CD200: variants seen among roughly 807,000 people sequenced by gnomAD.
CD200 encodes the protein OX-2 membrane glycoprotein.
Under a neutral mutation model 30.9 loss-of-function variants are expected in CD200, and 15 were observed. That is an observed-to-expected ratio of 0.49 (90% CI 0.32 to 0.75). The LOEUF (loss-of-function observed/expected upper bound fraction) is 0.75. Ranked by LOEUF, CD200 falls within the 30% of genes least tolerant of loss-of-function variation. The pLI, the probability that CD200 is intolerant of heterozygous loss-of-function variation, is 0.03. For synonymous variants in CD200, 134 were observed against 126.2 expected, an observed-to-expected ratio of 1.06 and a Z score of -0.41; for missense variants, 262 against 324.2, an observed-to-expected ratio of 0.81 and a Z score of 1.47.
At chr3:112,340,604 A>C (rs1421534834) in intron 1 of CD200, among the ~76,000 whole-genome samples, 1 of 152,172 alleles carries the variant, frequency 6.6e-6, no homozygotes, top group Non-Finnish European at 1.5e-5. Flanking sequence ...TGTTTTCCCC[A>C]GTGATCCTAT....
chr3:112,361,837 A>C lies in CD200; in HGVS notation c.*287A>C, dbSNP rs1229674940. ...ACTGGACTTAGTTAGTATCAGGAGC[A>C]CTGAGCTCACAGACTGACTTGGGCT... On this transcript the variant is annotated 3_prime_UTR_variant, in exon 6 of 6. Transcript: ENST00000315711. The C allele has an allele frequency of 2.1e-6, 1 of 477,228 alleles. No homozygotes were observed. Among genetic ancestry groups the C allele is most frequent in the East Asian group, 3.5e-5 (1 of 28,862 alleles). 29.6% of individuals were successfully genotyped at this position (477,228 alleles called of 1,614,324 possible). A position where few individuals can be genotyped will look rare whatever the true frequency, so the allele number is the denominator to read the frequency against.
intron 1 of CD200, among the ~76,000 whole-genome samples, chr3:112,336,201 G>A (rs2081111834): frequency 6.6e-6 from 1 of 152,100 alleles, no homozygotes; most frequent in African/African-American, 2.4e-5. Flanking sequence ...GGAAAGAAAA[G>A]GGCATGTATT....
In CD200 at chr3:112,355,714, T is replaced by A. The variant is rs935854711; in HGVS notation, c.803-5829T>A. 2.6e-5 allele frequency among the ~76,000 whole-genome samples: 4 copies of A among 152,194 alleles called. 1 individual carries two copies. The East Asian group carries it at 7.7e-4, about 29-fold the overall frequency. ...AATGCTTTTCATATCATTTTCAGAA[T>A]TCTTCAAAATTCCCATTTATAGGCC... is the stretch of plus-strand genomic sequence containing the variant. On this transcript the variant is annotated intron_variant, in intron 5 of 5. Transcript: ENST00000315711.
At chr3:112,345,527 T>C (rs2081365738) in intron 3 of CD200, among the ~76,000 whole-genome samples, 2 of 152,180 alleles carry the variant, frequency 1.3e-5, no homozygotes, top group Non-Finnish European at 2.9e-5. Flanking sequence ...CAGGAGAAAT[T>C]TGAGGACAAT....
chr3:112,342,299 TTCCTTCCTTTC>T lies in CD200; in HGVS notation c.94+1318_94+1328del, dbSNP rs1225487653. Among the ~76,000 whole-genome samples the T allele has an allele frequency of 1.2e-3, 62 of 50,778 alleles. 2 individuals are homozygous for T. The highest frequency in any genetic ancestry group is 4.7e-3 in the African/African-American group (57 of 12,254). The allele number at this position is 50,778 out of a possible 152,430, so 33.3% of individuals were successfully genotyped here. A position where few individuals can be genotyped will look rare whatever the true frequency, so the allele number is the denominator to read the frequency against. ...CTTCCTTCCTTCCTTCCTTCCTTCC[TTCCTTCCTTTC>T]TTCTTTCTTTCTTTCTTTCTTTCTT... On this transcript the variant is annotated intron_variant, in intron 2 of 5. Transcript: ENST00000315711.
At position 112,344,978 on chromosome 3, in the gene CD200, G is replaced by T; in HGVS notation, c.111G>T (p.Gln37His). The T allele has an allele frequency of 6.2e-7, 1 of 1,612,514 alleles. No homozygotes were observed. The highest frequency in any genetic ancestry group is 8.5e-7 in the Non-Finnish European group (1 of 1,179,052). The change falls in exon 3 of 6, where the codon CAG becomes CAT. Residue 37 changes from glutamine to histidine, a missense_variant. Transcript: ENST00000315711. ...ATTCCATAGTGCAAGTGGTGACCCAGGATGAAAGAGAGCAGCTGTACACAC... is the reference window on the plus strand; with the variant it reads ...ATTCCATAGTGCAAGTGGTGACCCATGATGAAAGAGAGCAGCTGTACACAC... ...LCTAQVQVVT[Q>H]DEREQLYTPA...
intron 5 of CD200, among the ~76,000 whole-genome samples, chr3:112,357,450 A>C (rs1012428789): frequency 6.6e-6 from 1 of 152,186 alleles, no homozygotes; most frequent in Non-Finnish European, 1.5e-5. Context: ...GCGTGAGCCA[A>C]TAAAGCTCTA....
chr3:112,347,845 G>T lies in CD200; in HGVS notation c.694+15G>T. The T allele has an allele frequency of 6.2e-7, 1 of 1,608,856 alleles. No homozygotes were observed. ...CGTCAACAAAGGTAAGAGAAAGTGA[G>T]CAAGGTGGCTGTGGTTGTGTCTGTG... On this transcript the variant is annotated intron_variant, in intron 4 of 5. Transcript: ENST00000315711.
intron 5 of CD200, among the ~76,000 whole-genome samples, chr3:112,356,839 C>T (rs893836020): frequency 6.6e-6 from 1 of 152,228 alleles, no homozygotes; most frequent in African/African-American, 2.4e-5. Flanking sequence ...TAGCTGAGTA[C>T]CTTTGGACAA....
chr3:112,350,353 C>T (rs1000124089), intron 5 of CD200, among the ~76,000 whole-genome samples: 9 of 152,194 alleles, frequency 5.9e-5, no homozygotes, highest in Admixed American at 5.2e-4. Context: ...TCACAACTAT[C>T]ACAGCATCTT....
At chr3:112,360,382 G>C (rs1352208878) in intron 5 of CD200, among the ~76,000 whole-genome samples, 1 of 151,824 alleles carries the variant, frequency 6.6e-6, no homozygotes, top group Non-Finnish European at 1.5e-5. Context: ...TCCCAATATG[G>C]TCTGAGGATG....
At chr3:112,340,449 A>T (rs1312956112) in intron 1 of CD200, among the ~76,000 whole-genome samples, 1 of 152,228 alleles carries the variant, frequency 6.6e-6, no homozygotes, top group Non-Finnish European at 1.5e-5. Context: ...AACCTCAACA[A>T]AATTCAAGGC....
At chr3:112,353,204 C>T (rs1343143764) in intron 5 of CD200, among the ~76,000 whole-genome samples, 1 of 152,162 alleles carries the variant, frequency 6.6e-6, no homozygotes, top group Non-Finnish European at 1.5e-5. Context: ...AGTCAACCCA[C>T]CAACAATTAC....
At chr3:112,352,902 C>T (rs912335024) in intron 5 of CD200, among the ~76,000 whole-genome samples, 24 of 152,104 alleles carry the variant, frequency 1.6e-4, no homozygotes, top group Non-Finnish European at 5.9e-5. Flanking sequence ...TTTCCAACTG[C>T]GAAGTAGCAC....
chr3:112,344,049 T>C (rs2081328809), intron 2 of CD200, among the ~76,000 whole-genome samples: 1 of 152,216 alleles, frequency 6.6e-6, no homozygotes, highest in Non-Finnish European at 1.5e-5. Flanking sequence ...AGCCTATCTG[T>C]TGCAATTTTA....
chr3:112,347,733 C>G lies in CD200; in HGVS notation c.597C>G (p.Leu199=). 1.9e-6 allele frequency: 3 copies of G among 1,613,986 alleles called. No individual in the cohort carries two copies. Among genetic ancestry groups the G allele is most frequent in the Non-Finnish European group, 2.5e-6 (3 of 1,179,922 alleles). ...GGACCACGTCTGTTACCAGCATCCT[C>G]CATATCAAAGACCCTAAGAATCAGG... The part of the protein sequence containing the change: ...PNGTTSVTSI[L]HIKDPKNQVG... Residue 199 remains leucine (L), a synonymous_variant, in exon 4 of 6, where the codon CTC becomes CTG. Transcript: ENST00000315711.
At chr3:112,343,736 G>A (rs923215734) in intron 2 of CD200, among the ~76,000 whole-genome samples, 1 of 151,770 alleles carries the variant, frequency 6.6e-6, no homozygotes, top group Non-Finnish European at 1.5e-5. Context: ...ATATATTTCG[G>A]AGTTATGTTG....
intron 5 of CD200, among the ~76,000 whole-genome samples, chr3:112,355,936 C>G (rs752684161): frequency 1.3e-5 from 2 of 151,958 alleles, no homozygotes; most frequent in African/African-American, 2.4e-5. Context: ...TAAAAATAAC[C>G]ATATTGTAAA....
At chr3:112,345,317 G>T in intron 3 of CD200, 29 bp downstream of exon 3, 1 of 1,556,654 alleles carries the variant, frequency 6.4e-7, no homozygotes, top group East Asian at 2.2e-5. Context: ...CATTGTCTGT[G>T]TCTGGAAATA....
Sources: allele counts gnomAD v4.1 joint callset (sites outside exome capture counted in the v4.1 genomes callset), GRCh38; gene constraint gnomAD v4.1.1; transcripts MANE v1.5; gene names NCBI Gene and HGNC (gene_info 2026-07-23, HGNC 2026-07-21).